CHCHD3: variants seen among roughly 807,000 people sequenced by gnomAD.
CHCHD3 encodes the protein MICOS complex subunit MIC19.
Under a neutral mutation model 38.2 loss-of-function variants are expected in CHCHD3, and 20 were observed. That is an observed-to-expected ratio of 0.52 (90% CI 0.37 to 0.76). The LOEUF (loss-of-function observed/expected upper bound fraction) is 0.76, where lower values mean the gene tolerates loss of function less well. CHCHD3 is among the 30% of genes least tolerant of loss of function. The probability of loss-of-function intolerance (pLI) is 0.00; values close to 1 mark genes in which losing one functional copy is unlikely to be tolerated. For missense variants in CHCHD3, 245 were observed against 279.2 expected (o/e 0.88, Z 0.87); for synonymous variants, 82 against 100.0 (o/e 0.82, Z 1.07).
intron 2 of CHCHD3, among the ~76,000 whole-genome samples, chr7:133,029,761 C>G (rs913062762): frequency 3.9e-5 from 6 of 152,132 alleles, no homozygotes; most frequent in African/African-American, 9.7e-5. Flanking sequence ...TCCCTACTAT[C>G]ATCAGCCCTG....
intron 5 of CHCHD3, among the ~76,000 whole-genome samples, chr7:132,860,000 G>A (rs767339467): frequency 1.3e-5 from 2 of 152,138 alleles, no homozygotes; most frequent in East Asian, 1.9e-4. Context: ...GGCTCGGCTC[G>A]GTGGCTTACG....
chr7:133,008,560 C>A lies in CHCHD3; in HGVS notation c.251+15986G>T, dbSNP rs139525365. Among the ~76,000 whole-genome samples the A allele has an allele frequency of 6.1e-4, 93 of 152,154 alleles. 1 individual carries two copies. The East Asian group carries it at 0.017, about 28-fold the overall frequency. ...ACCTTCATAACATCTCAAAGTCTTA[C>A]AATGCATAAGAATATGTTACATACA... On this transcript the variant is annotated intron_variant, in intron 3 of 7. Coordinates refer to ENST00000262570, the MANE Select transcript of CHCHD3 (RefSeq NM_017812.4).
chr7:132,916,475 C>A (rs1810109184), intron 4 of CHCHD3, among the ~76,000 whole-genome samples: 1 of 142,286 alleles, frequency 7.0e-6, no homozygotes, highest in Admixed American at 7.0e-5. Context: ...TAAGTGAGTA[C>A]TGTACAATAA....
At position 132,914,123 on chromosome 7, in the gene CHCHD3, C is replaced by CGTGTGTGTGTGT. The variant is rs200561468; in HGVS notation, c.370-28390_370-28379dup. On this transcript the variant is annotated intron_variant, in intron 4 of 7. Coordinates refer to ENST00000262570, the MANE Select transcript of CHCHD3 (RefSeq NM_017812.4). The stretch of plus-strand genomic sequence containing the variant: ...TACAGATGCCCACCACCATGCCTGG[C>CGTGTGTGTGTGT]GTGTGTGTGTGTGTGTGTGTGTGTG... Among the ~76,000 whole-genome samples, 84 of 132,290 alleles carry CGTGTGTGTGTGT rather than the reference C, an allele frequency of 6.3e-4. 1 individual carries two copies. Among genetic ancestry groups the CGTGTGTGTGTGT allele is most frequent in the African/African-American group, 1.9e-3 (67 of 34,758 alleles). 86.8% of individuals were successfully genotyped at this position (132,290 alleles called of 152,430 possible).
rs576963094 is a variant in CHCHD3 at position 132,983,918 on chromosome 7, GA to G, written c.252-8633del. Among the ~76,000 whole-genome samples the G allele has an allele frequency of 1.5e-3, 228 of 151,804 alleles. 2 individuals carry two copies. The Middle Eastern group carries it at 0.017, about 11-fold the overall frequency. ...GGTCCAAAACCCCTGCATGTTTTGAGAAATACCTTTTAATCTTGTATTGAAA... is the reference window on the plus strand; with the variant it reads ...GGTCCAAAACCCCTGCATGTTTTGAGAATACCTTTTAATCTTGTATTGAAA... On this transcript the variant is annotated intron_variant, in intron 3 of 7. Transcript: ENST00000262570.
At chr7:133,008,976 A>C (rs1812783916) in intron 3 of CHCHD3, among the ~76,000 whole-genome samples, 1 of 151,958 alleles carries the variant, frequency 6.6e-6, no homozygotes, top group Non-Finnish European at 1.5e-5. Flanking sequence ...AGACCAAAAA[A>C]AAAAAAAACA....
intron 4 of CHCHD3, among the ~76,000 whole-genome samples, chr7:132,952,795 C>G (rs1045216798): frequency 6.6e-6 from 1 of 152,182 alleles, no homozygotes; most frequent in Non-Finnish European, 1.5e-5. Flanking sequence ...TTTTAAGTGT[C>G]CACCTTTCCA....
intron 3 of CHCHD3, among the ~76,000 whole-genome samples, chr7:133,020,469 A>G: frequency 6.6e-6 from 1 of 152,198 alleles, no homozygotes; most frequent in East Asian, 1.9e-4. Flanking sequence ...CAGATGCCTA[A>G]AAAGGGCTTC....
In CHCHD3 at chr7:133,047,668, A is replaced by G. The variant is rs553749003; in HGVS notation, c.169+22474T>C. Among the ~76,000 whole-genome samples, 24 of 152,380 alleles carry G rather than the reference A, an allele frequency of 1.6e-4. No individual in the cohort carries two copies. The East Asian group carries it at 3.8e-3, about 24-fold the overall frequency. On this transcript the variant is annotated intron_variant, in intron 2 of 7. Coordinates refer to ENST00000262570, the MANE Select transcript of CHCHD3 (RefSeq NM_017812.4). ...ATGAATTGGCTACATTATGAAACTA[A>G]TATCTCAGCTAATGCAGACAAAAAA...
intron 4 of CHCHD3, among the ~76,000 whole-genome samples, chr7:132,922,141 G>A (rs945109285): frequency 6.6e-6 from 1 of 152,172 alleles, no homozygotes; most frequent in African/African-American, 2.4e-5. Flanking sequence ...TAGGCAGGAG[G>A]TAGGACGTGG....
Position 132,796,443 on chromosome 7 carries a change from T to C in CHCHD3, c.659A>G (p.Gln220Arg), listed in dbSNP as rs542659275. Residue 220 changes from glutamine to arginine, a missense_variant and splice_region_variant, in exon 7 of 8, where the codon CAG becomes CGG. Coordinates refer to ENST00000262570, the MANE Select transcript of CHCHD3 (RefSeq NM_017812.4). ...QYMHCVNHAK[Q>R]SMLEKGG is the part of the protein sequence containing the mutation. Reference sequence around the variant, plus strand: ...CAGTGGCCTGGCTGGCACACCTACCTGTTTGGCATGATTGACACAGTGCAT... The same window carrying C: ...CAGTGGCCTGGCTGGCACACCTACCCGTTTGGCATGATTGACACAGTGCAT... 3.1e-6 allele frequency: 5 copies of C among 1,613,586 alleles called. No individual in the cohort carries two copies. In the African/African-American group the frequency reaches 6.7e-5, roughly 22 times the overall value.
At chr7:132,799,141 A>G (rs1238008499) in intron 6 of CHCHD3, among the ~76,000 whole-genome samples, 1 of 152,114 alleles carries the variant, frequency 6.6e-6, no homozygotes, top group Non-Finnish European at 1.5e-5. Context: ...GGAAATCAGC[A>G]TAATTGTCCT....
intron 4 of CHCHD3, among the ~76,000 whole-genome samples, chr7:132,916,113 A>G (rs1351516987): frequency 6.6e-6 from 1 of 151,956 alleles, no homozygotes; most frequent in Non-Finnish European, 1.5e-5. Context: ...TTTTCTAATT[A>G]TTTCCCAATG....
At chr7:132,992,943 T>C (rs1204709039) in intron 3 of CHCHD3, among the ~76,000 whole-genome samples, 1 of 152,194 alleles carries the variant, frequency 6.6e-6, no homozygotes, top group Non-Finnish European at 1.5e-5. Flanking sequence ...ATATCAATGG[T>C]CCTCTTTTTC....
chr7:132,829,716 G>T (rs1342900863), intron 6 of CHCHD3, among the ~76,000 whole-genome samples: 2 of 152,324 alleles, frequency 1.3e-5, no homozygotes, highest in African/African-American at 4.8e-5. Context: ...TTCACCAGCT[G>T]AGATTCCTTT....
At chr7:132,874,212 A>G (rs1450976216) in intron 5 of CHCHD3, among the ~76,000 whole-genome samples, 1 of 152,182 alleles carries the variant, frequency 6.6e-6, no homozygotes, top group East Asian at 1.9e-4. Flanking sequence ...TCACAAGGGG[A>G]CAGTGTGGTG....
At chr7:133,047,821 C>T (rs556360795) in intron 2 of CHCHD3, among the ~76,000 whole-genome samples, 3 of 152,288 alleles carry the variant, frequency 2.0e-5, no homozygotes, top group African/African-American at 7.2e-5. Context: ...GGCGCGGTGG[C>T]TCATGCCTGT....
At chr7:133,025,957 T>C (rs1402215041) in intron 2 of CHCHD3, among the ~76,000 whole-genome samples, 1 of 152,230 alleles carries the variant, frequency 6.6e-6, no homozygotes, top group Non-Finnish European at 1.5e-5. Flanking sequence ...CTTTCAAATA[T>C]TTCATTGGCA....
At chr7:132,930,904 T>A (rs1156291659) in intron 4 of CHCHD3, among the ~76,000 whole-genome samples, 1 of 152,176 alleles carries the variant, frequency 6.6e-6, no homozygotes, top group East Asian at 1.9e-4. Flanking sequence ...CATTCACCCC[T>A]ATGGCCCAGT....
Sources: allele counts gnomAD v4.1 joint callset (sites outside exome capture counted in the v4.1 genomes callset), GRCh38; gene constraint gnomAD v4.1.1; transcripts MANE v1.5; gene names NCBI Gene and HGNC (gene_info 2026-07-23, HGNC 2026-07-21).